MAP3K9: variants seen among roughly 807,000 people sequenced by gnomAD.
MAP3K9 encodes the protein mixed lineage kinase 1 (tyr and ser/thr specificity).
MAP3K9 carries 46 observed loss-of-function variants against 95.8 expected under a neutral mutation model. The ratio of observed to expected loss-of-function variants is 0.48; its 90% CI spans 0.38 to 0.61. The LOEUF (loss-of-function observed/expected upper bound fraction) is 0.61. Among genes scored for constraint, MAP3K9 ranks in the 20% least tolerant of loss-of-function variants. The pLI is 0.00. For synonymous variants in MAP3K9, 533 were observed against 593.8 expected (o/e 0.90, Z 1.49); for missense variants, 1,296 against 1,474.3 (o/e 0.88, Z 1.98).
In MAP3K9 at chr14:70,738,368, C is replaced by A; in HGVS notation, c.1721G>T (p.Gly574Val). 5 of 1,613,976 alleles carry A rather than the reference C, an allele frequency of 3.1e-6. No individual in the cohort carries two copies. The highest frequency in any genetic ancestry group is 1.7e-5 in the Admixed American group (1 of 59,986). Reference protein sequence around the residue: ...LTPGESSKTWGRSSVVPKEEG... With the variant: ...LTPGESSKTWVRSSVVPKEEG... ...CTCCTTTGGGACGACTGAGCTCCTG[C>A]CCCAGGTTTTGCTGCTTTCACCTGG... The change falls in exon 8 of 12, where the codon GGC becomes GTC. Residue 574 changes from glycine to valine, a missense_variant. Gly to Val is a moderately radical substitution (Grantham distance 109). Transcript: ENST00000554752.
Position 70,723,294 on chromosome 14 carries a change from G to A in MAP3K9, c.*7086C>T, listed in dbSNP as rs1470730380. On this transcript the variant is annotated 3_prime_UTR_variant, in exon 12 of 12. Coordinates refer to ENST00000554752, the MANE Select transcript of MAP3K9 (RefSeq NM_001284230.2). ...ACCTGCAGGCTGGAAACAGGAGAGAGGCTCACGGCCTTCAGTGGTATTGGG... is the reference window on the plus strand; with the variant it reads ...ACCTGCAGGCTGGAAACAGGAGAGAAGCTCACGGCCTTCAGTGGTATTGGG... The A allele has an allele frequency of 2.6e-5, 4 of 152,346 alleles. No homozygotes were observed. Among genetic ancestry groups the A allele is most frequent in the African/African-American group, 9.6e-5 (4 of 41,452 alleles). The allele number at this position is 152,346 out of a possible 1,614,324, so 9.4% of individuals were successfully genotyped here.
intron 3 of MAP3K9, among the ~76,000 whole-genome samples, chr14:70,752,733 G>C (rs1295644051): frequency 2.6e-5 from 4 of 152,168 alleles, no homozygotes; most frequent in Admixed American, 1.3e-4. Flanking sequence ...TAACTACCTG[G>C]AAAGATCATA....
chr14:70,798,165 C>G (rs574753883), intron 2 of MAP3K9, among the ~76,000 whole-genome samples: 1 of 152,256 alleles, frequency 6.6e-6, no homozygotes, highest in Admixed American at 6.5e-5. Flanking sequence ...GGTAACTTTT[C>G]CTGCATAAGA....
At chr14:70,759,126 G>A (rs571105037) in intron 3 of MAP3K9, among the ~76,000 whole-genome samples, 16 of 152,156 alleles carry the variant, frequency 1.1e-4, no homozygotes, top group Non-Finnish European at 2.2e-4. Context: ...AATAGACATG[G>A]AGCTTCTTTT....
chr14:70,797,799 G>A (rs1015520125), intron 2 of MAP3K9, among the ~76,000 whole-genome samples: 1 of 152,100 alleles, frequency 6.6e-6, no homozygotes, highest in African/African-American at 2.4e-5. Context: ...AGTAAGAATG[G>A]TGGTATCATC....
At chr14:70,775,393 T>G (rs908950387) in intron 2 of MAP3K9, among the ~76,000 whole-genome samples, 4 of 152,236 alleles carry the variant, frequency 2.6e-5, no homozygotes, top group African/African-American at 7.2e-5. Flanking sequence ...CTTCTAGGCC[T>G]ATGCTCCTTT....
chr14:70,732,050 G>C (rs1033144538), intron 11 of MAP3K9, among the ~76,000 whole-genome samples: 1 of 152,208 alleles, frequency 6.6e-6, no homozygotes, highest in African/African-American at 2.4e-5. Flanking sequence ...GTTGAAGAGT[G>C]TGATGAATGG....
intron 11 of MAP3K9, 34 bp from the exon 12 acceptor site, chr14:70,730,898 G>A: frequency 6.4e-7 from 1 of 1,571,656 alleles, no homozygotes. Flanking sequence ...AGCATCAGAT[G>A]AGGCACCATA....
At chr14:70,786,453 C>T (rs530246344) in intron 2 of MAP3K9, among the ~76,000 whole-genome samples, 1 of 152,210 alleles carries the variant, frequency 6.6e-6, no homozygotes, top group South Asian at 2.1e-4. Flanking sequence ...AATTGTACCA[C>T]CTAGAAGAAT....
intron 3 of MAP3K9, among the ~76,000 whole-genome samples, chr14:70,758,823 C>T (rs902921804): frequency 4.0e-5 from 6 of 151,368 alleles, no homozygotes; most frequent in Admixed American, 6.6e-5. Flanking sequence ...AGTGCAATGG[C>T]ACAATCCTGG....
intron 3 of MAP3K9, among the ~76,000 whole-genome samples, chr14:70,754,992 T>C (rs1039629859): frequency 5.9e-5 from 9 of 152,156 alleles, no homozygotes; most frequent in African/African-American, 2.2e-4. Flanking sequence ...CAGCCCTTTA[T>C]CATCTCACCC....
Position 70,742,555 on chromosome 14 carries a change from C to G in MAP3K9, c.1363G>C (p.Ala455Pro), listed in dbSNP as rs376843564. 1.9e-6 allele frequency: 3 copies of G among 1,614,188 alleles called. No homozygotes were observed. The highest frequency in any genetic ancestry group is 2.5e-6 in the Non-Finnish European group (3 of 1,180,026). The change falls in exon 6 of 12, where the codon GCA (alanine) becomes CCA (proline). Residue 455 changes from alanine to proline, a missense_variant. Coordinates refer to ENST00000554752, the MANE Select transcript of MAP3K9 (RefSeq NM_001284230.2). ...TCCTCCTGGTTCTTCTGCTGCAGTG[C>G]AGCCCGCGTCAGCTCCTCCTCCCAG... ...RTWEEELTRA[A>P]LQQKNQEELL...
rs1785740501 is a variant in MAP3K9 at position 70,730,177 on chromosome 14, C to T, written c.*203G>A. 1 of 693,032 alleles carries T rather than the reference C, an allele frequency of 1.4e-6. No individual in the cohort carries two copies. The highest frequency in any genetic ancestry group is 3.0e-5 in the Admixed American group (1 of 32,972). The allele number at this position is 693,032 out of a possible 1,614,324, so 42.9% of individuals were successfully genotyped here. ...CCAGAGCTGATGGCCACAGCCCCTC[C>T]AGTGGACACGGGTAGAAAGGCCCTG... On this transcript the variant is annotated 3_prime_UTR_variant, in exon 12 of 12. Transcript: ENST00000554752.
At chr14:70,758,649 A>C (rs1396823099) in intron 3 of MAP3K9, among the ~76,000 whole-genome samples, 1 of 152,260 alleles carries the variant, frequency 6.6e-6, no homozygotes, top group Admixed American at 6.5e-5. Context: ...AAGCAAAAAC[A>C]ACCCAAATGC....
At position 70,809,253 on chromosome 14, in the gene MAP3K9, C is replaced by T; in HGVS notation, c.-82G>A. 1 of 1,257,748 alleles carries T rather than the reference C, an allele frequency of 8.0e-7. No homozygotes were observed. Among genetic ancestry groups the T allele is most frequent in the Non-Finnish European group, 1.0e-6 (1 of 1,004,842 alleles). 77.9% of individuals were successfully genotyped at this position (1,257,748 alleles called of 1,614,324 possible). A position where few individuals can be genotyped will look rare whatever the true frequency, so the allele number is the denominator to read the frequency against. On this transcript the variant is annotated 5_prime_UTR_variant, in exon 1 of 12. Coordinates refer to ENST00000554752, the MANE Select transcript of MAP3K9 (RefSeq NM_001284230.2). ...CTATTGTTCATGCGCCTCCGCAGAG[C>T]TGGGAGGACCCCCCCCCAACGACGG...
chr14:70,792,552 C>T (rs1250838137), intron 2 of MAP3K9, among the ~76,000 whole-genome samples: 1 of 152,220 alleles, frequency 6.6e-6, no homozygotes, highest in Non-Finnish European at 1.5e-5. Flanking sequence ...CTATTTCATT[C>T]TCTTGTAGGA....
chr14:70,732,683 G>A lies in MAP3K9; in HGVS notation c.2686C>T (p.Leu896=), dbSNP rs746355381. 6.2e-7 allele frequency: 1 copy of A among 1,603,166 alleles called. No homozygotes were observed. Among genetic ancestry groups the A allele is most frequent in the South Asian group, 1.1e-5 (1 of 89,504 alleles). The change falls in exon 11 of 12, where the codon CTG becomes TTG. Residue 896 remains leucine, a synonymous_variant. Transcript: ENST00000554752. ...ERFKRDPNQS[L]TPTHVTLTTP... ...GTGAGGGTGACATGGGTGGGAGTCA[G>A]AGATTGGTTAGGATCTCGTTTGAAG...
chr14:70,738,028 T>C (rs1205509613), intron 8 of MAP3K9, among the ~76,000 whole-genome samples: 2 of 152,154 alleles, frequency 1.3e-5, no homozygotes, highest in Admixed American at 6.5e-5. Flanking sequence ...GCCTAAAATA[T>C]GTATTATCTG....
intron 2 of MAP3K9, chr14:70,783,224 T>C (rs1197371225): frequency 9.2e-6 from 9 of 980,296 alleles, no homozygotes; most frequent in African/African-American, 3.5e-5. Context: ...CAGACTCACA[T>C]GTTAGAAGCC....
Sources: gnomAD v4.1 joint callset for allele counts (sites outside exome capture counted in the v4.1 genomes callset) on GRCh38, gnomAD v4.1.1 for gene constraint, MANE v1.5 for transcripts, NCBI Gene and HGNC (gene_info 2026-07-23, HGNC 2026-07-21) for gene names.